AGBL4: variants seen among roughly 807,000 people sequenced by gnomAD.
AGBL4 encodes cytosolic carboxypeptidase 6.
Under a neutral mutation model 66.4 loss-of-function variants are expected in AGBL4, and 58 were observed. The observed-to-expected ratio is 0.87, with a 90% CI of 0.71 to 1.09. The LOEUF is 1.09. Ranked by LOEUF, AGBL4 falls within the 50% of genes least tolerant of loss-of-function variation. The pLI, the probability that AGBL4 is intolerant of heterozygous loss-of-function variation, is 0.00. For missense variants in AGBL4, 579 were observed against 631.0 expected, an observed-to-expected ratio of 0.92 and a Z score of 0.88; for synonymous variants, 234 against 222.9, an observed-to-expected ratio of 1.05 and a Z score of -0.44.
chr1:49,120,308 G>A (rs183908969), intron 4 of AGBL4, among the ~76,000 whole-genome samples: 2 of 152,142 alleles, frequency 1.3e-5, no homozygotes, highest in Non-Finnish European at 2.9e-5. Flanking sequence ...TGCAGTGGCT[G>A]GTACCAGTTG....
chr1:49,911,503 A>G (rs966883283), intron 1 of AGBL4, among the ~76,000 whole-genome samples: 13 of 152,222 alleles, frequency 8.5e-5, no homozygotes, highest in African/African-American at 3.1e-4. Flanking sequence ...TCTGAACTTC[A>G]AATCAACAAA....
At chr1:49,913,579 C>G (rs1651077087) in intron 1 of AGBL4, among the ~76,000 whole-genome samples, 1 of 152,190 alleles carries the variant, frequency 6.6e-6, no homozygotes, top group African/African-American at 2.4e-5. Flanking sequence ...GCTGGTGGCC[C>G]TACAGTTCTG....
intron 3 of AGBL4, among the ~76,000 whole-genome samples, chr1:49,598,581 G>A (rs1644894731): frequency 6.6e-6 from 1 of 152,086 alleles, no homozygotes; most frequent in South Asian, 2.1e-4. Flanking sequence ...TGGAAGTTTT[G>A]TCTCAGAGGA....
intron 4 of AGBL4, among the ~76,000 whole-genome samples, chr1:49,065,078 G>A (rs1644467935): frequency 6.6e-6 from 1 of 152,154 alleles, no homozygotes; most frequent in Non-Finnish European, 1.5e-5. Context: ...CTCTATGTAG[G>A]AGTAACTCAG....
At chr1:49,381,048 G>A (rs560613483) in intron 3 of AGBL4, among the ~76,000 whole-genome samples, 1 of 152,268 alleles carries the variant, frequency 6.6e-6, no homozygotes, top group South Asian at 2.1e-4. Flanking sequence ...TACCATCAGA[G>A]TGAACAGGCA....
At chr1:48,830,935 A>G (rs1212369437) in intron 6 of AGBL4, among the ~76,000 whole-genome samples, 1 of 152,224 alleles carries the variant, frequency 6.6e-6, no homozygotes, top group Non-Finnish European at 1.5e-5. Flanking sequence ...AAGACAAACA[A>G]GGTCCCTGTC....
intron 6 of AGBL4, among the ~76,000 whole-genome samples, chr1:48,863,344 GAAAT>G (rs1325407487): frequency 6.6e-6 from 1 of 151,894 alleles, no homozygotes; most frequent in Non-Finnish European, 1.5e-5. Flanking sequence ...AGGCAGAAAA[GAAAT>G]AAAGTGAATG....
chr1:49,703,514 G>T (rs188325598), intron 2 of AGBL4, among the ~76,000 whole-genome samples: 1 of 149,816 alleles, frequency 6.7e-6, no homozygotes, highest in African/African-American at 2.5e-5. Flanking sequence ...AATTCCACAC[G>T]CATTCATGAT....
intron 1 of AGBL4, among the ~76,000 whole-genome samples, chr1:49,992,623 A>G (rs1487934563): frequency 2.0e-5 from 3 of 151,914 alleles, no homozygotes; most frequent in African/African-American, 7.3e-5. Flanking sequence ...CCTTCTGCCT[A>G]CCTTTCAATA....
chr1:50,002,370 T>C (rs1387724313), intron 1 of AGBL4, among the ~76,000 whole-genome samples: 3 of 63,414 alleles, frequency 4.7e-5, no homozygotes, highest in African/African-American at 1.5e-4. Flanking sequence ...TTTTTTTTTT[T>C]TTTTTTTTTT....
At chr1:48,562,202 GCT>G (rs1378140699) in intron 11 of AGBL4, among the ~76,000 whole-genome samples, 1 of 152,074 alleles carries the variant, frequency 6.6e-6, no homozygotes, top group Non-Finnish European at 1.5e-5. Flanking sequence ...TATATTCTTG[GCT>G]CTGCTGTTGA....
At chr1:49,232,213 A>T (rs1055106032) in intron 4 of AGBL4, among the ~76,000 whole-genome samples, 6 of 152,180 alleles carry the variant, frequency 3.9e-5, no homozygotes, top group Non-Finnish European at 8.8e-5. Context: ...CAGATAAGTG[A>T]ACTATATAGT....
chr1:49,557,945 C>T (rs1643943352), intron 3 of AGBL4, among the ~76,000 whole-genome samples: 1 of 151,734 alleles, frequency 6.6e-6, no homozygotes, highest in African/African-American at 2.4e-5. Flanking sequence ...ACCAGCTCTA[C>T]CATAGCATAA....
At chr1:49,185,878 T>C (rs2148195632) in intron 4 of AGBL4, among the ~76,000 whole-genome samples, 1 of 152,222 alleles carries the variant, frequency 6.6e-6, no homozygotes, top group African/African-American at 2.4e-5. Flanking sequence ...AATCTCAGCT[T>C]GTTCTGTGTC....
At chr1:49,829,023 A>C (rs1308802043) in intron 2 of AGBL4, among the ~76,000 whole-genome samples, 1 of 151,698 alleles carries the variant, frequency 6.6e-6, no homozygotes, top group Admixed American at 6.6e-5. Context: ...CAGCCAAGAT[A>C]GCGCCACTGC....
At chr1:49,192,316 G>T (rs1050999087) in intron 4 of AGBL4, among the ~76,000 whole-genome samples, 1 of 151,108 alleles carries the variant, frequency 6.6e-6, no homozygotes, top group Non-Finnish European at 1.5e-5. Flanking sequence ...TATTTATTTC[G>T]AGATGGAGTT....
chr1:49,200,590 C>A (rs1165401816), intron 4 of AGBL4, among the ~76,000 whole-genome samples: 1 of 152,164 alleles, frequency 6.6e-6, no homozygotes, highest in African/African-American at 2.4e-5. Flanking sequence ...TTCCTATAAA[C>A]CCTCTTTGAG....
chr1:49,404,911 T>C (rs1478349916), intron 3 of AGBL4, among the ~76,000 whole-genome samples: 2 of 152,340 alleles, frequency 1.3e-5, no homozygotes, highest in Admixed American at 6.5e-5. Context: ...AGTTACTGAA[T>C]TTCACATGCT....
chr1:49,254,845 C>A (rs1652348420), intron 3 of AGBL4, among the ~76,000 whole-genome samples: 1 of 152,042 alleles, frequency 6.6e-6, no homozygotes, highest in Admixed American at 6.5e-5. Flanking sequence ...GAATAGAGAA[C>A]CCAGAAACAA....
Sources: gnomAD v4.1 joint callset for allele counts (sites outside exome capture counted in the v4.1 genomes callset) on GRCh38, gnomAD v4.1.1 for gene constraint, MANE v1.5 for transcripts, NCBI Gene and HGNC (gene_info 2026-07-23, HGNC 2026-07-21) for gene names.